DGAT2: variants seen among roughly 807,000 people sequenced by gnomAD.
DGAT2 encodes acyl-CoA retinol O-fatty-acyltransferase.
A neutral mutation model predicts 48.4 loss-of-function variants in DGAT2; 33 were observed. The ratio of observed to expected loss-of-function variants is 0.68; its 90% CI spans 0.52 to 0.91. The LOEUF (loss-of-function observed/expected upper bound fraction) is 0.91, where lower values mean the gene tolerates loss of function less well. Among genes scored for constraint, DGAT2 ranks in the 40% least tolerant of loss-of-function variants. The pLI, the probability that DGAT2 is intolerant of heterozygous loss-of-function variation, is 0.00. For synonymous variants in DGAT2, 191 were observed against 194.1 expected, an observed-to-expected ratio of 0.98 and a Z score of 0.13; for missense variants, 446 against 493.7, an observed-to-expected ratio of 0.90 and a Z score of 0.92.
intron 2 of DGAT2, among the ~76,000 whole-genome samples, chr11:75,787,125 TTG>T (rs1194157414): frequency 6.6e-6 from 1 of 152,204 alleles, no homozygotes; most frequent in Non-Finnish European, 1.5e-5. Flanking sequence ...TGTTATTTAT[TTG>T]TGTCATAAGT....
chr11:75,790,850 T>G, intron 4 of DGAT2, 119 bp downstream of exon 4: 1 of 998,130 alleles, frequency 1.0e-6, no homozygotes. Flanking sequence ...ATTTCCTTTC[T>G]ACTGTGTCAC....
chr11:75,790,339 G>A, intron 3 of DGAT2, 44 bp downstream of exon 3: 1 of 1,497,598 alleles, frequency 6.7e-7, no homozygotes, highest in Non-Finnish European at 9.3e-7. Flanking sequence ...TTCTAGGGAT[G>A]CTCTTCCCCC....
intron 1 of DGAT2, among the ~76,000 whole-genome samples, chr11:75,769,519 C>T (rs1944735426): frequency 6.6e-6 from 1 of 152,092 alleles, no homozygotes; most frequent in East Asian, 1.9e-4. Flanking sequence ...GTGTGTCTGC[C>T]CTGTCCTCTG....
intron 1 of DGAT2, among the ~76,000 whole-genome samples, chr11:75,773,313 C>T (rs1273053296): frequency 6.6e-6 from 1 of 152,170 alleles, no homozygotes; most frequent in Non-Finnish European, 1.5e-5. Flanking sequence ...GGAGCTGGCT[C>T]CAAGGCTGAG....
At chr11:75,789,684 C>G (rs897980485) in intron 2 of DGAT2, among the ~76,000 whole-genome samples, 1 of 152,182 alleles carries the variant, frequency 6.6e-6, no homozygotes. Flanking sequence ...GCTGGGTGAC[C>G]TTGGGCAAGT....
At chr11:75,788,759 A>G in intron 2 of DGAT2, among the ~76,000 whole-genome samples, 1 of 152,170 alleles carries the variant, frequency 6.6e-6, no homozygotes, top group East Asian at 1.9e-4. Flanking sequence ...CAGTGGAAAA[A>G]GTCCTAGAAG....
intron 4 of DGAT2, chr11:75,796,052 A>G: frequency 2.3e-6 from 1 of 429,224 alleles, no homozygotes; most frequent in Non-Finnish European, 4.3e-6. Flanking sequence ...GCAGAGTGCA[A>G]AGAAGAGCTG....
At chr11:75,800,303 G>A in intron 7 of DGAT2, 51 bp from the exon 8 acceptor site, 3 of 1,586,110 alleles carry the variant, frequency 1.9e-6, no homozygotes, top group Non-Finnish European at 2.6e-6. Flanking sequence ...CATGGTGGAT[G>A]CCCAGGGGAA....
chr11:75,776,743 C>A (rs1392809188), intron 1 of DGAT2: 1 of 152,242 alleles, frequency 6.6e-6, no homozygotes, highest in Non-Finnish European at 1.5e-5. Context: ...GAGATGGCAG[C>A]TTTGCCATGA....
chr11:75,777,566 T>A (rs1010472223), intron 1 of DGAT2, among the ~76,000 whole-genome samples: 1 of 152,184 alleles, frequency 6.6e-6, no homozygotes, highest in Non-Finnish European at 1.5e-5. Flanking sequence ...TTAGCCCCAC[T>A]GTATAGATGA....
At chr11:75,769,480 C>G (rs959669671) in intron 1 of DGAT2, among the ~76,000 whole-genome samples, 10 of 152,116 alleles carry the variant, frequency 6.6e-5, no homozygotes, top group Non-Finnish European at 1.3e-4. Flanking sequence ...AGACAGCCAC[C>G]AGACGGGGAA....
At chr11:75,784,776 G>C (rs769469744) in intron 2 of DGAT2, 30 bp downstream of exon 2, 1 of 1,613,402 alleles carries the variant, frequency 6.2e-7, no homozygotes, top group Non-Finnish European at 8.5e-7. Context: ...GAGGGCAGGT[G>C]GGCAGGCAGT....
intron 3 of DGAT2, 134 bp downstream of exon 3, chr11:75,790,429 G>C (rs78326439): frequency 4.6e-6 from 4 of 862,766 alleles, no homozygotes; most frequent in East Asian, 5.1e-5. Flanking sequence ...TAGTCCTTTT[G>C]GGGGGAGGTT....
At chr11:75,800,293 C>T (rs1945096678) in intron 7 of DGAT2, 61 bp from the exon 8 acceptor site, 2 of 1,574,594 alleles carry the variant, frequency 1.3e-6, no homozygotes, top group Admixed American at 1.8e-5. Context: ...CCTTCAGCAT[C>T]ATGGTGGATG....
intron 2 of DGAT2, among the ~76,000 whole-genome samples, chr11:75,785,793 C>T (rs368470448): frequency 6.6e-6 from 1 of 152,180 alleles, no homozygotes; most frequent in Admixed American, 6.5e-5. Flanking sequence ...GTGCATGGGG[C>T]GCTCTGAGAC....
intron 1 of DGAT2, among the ~76,000 whole-genome samples, chr11:75,774,534 C>T (rs1944787299): frequency 6.6e-6 from 1 of 152,210 alleles, no homozygotes; most frequent in Admixed American, 6.5e-5. Flanking sequence ...CTCTTAGGGC[C>T]TCAGCCTTCT....
chr11:75,785,885 T>A (rs1944917683), intron 2 of DGAT2, among the ~76,000 whole-genome samples: 1 of 152,242 alleles, frequency 6.6e-6, no homozygotes, highest in Non-Finnish European at 1.5e-5. Context: ...AACTACCTGC[T>A]ACTGTGAAGC....
chr11:75,784,981 C>T (rs887705362), intron 2 of DGAT2, among the ~76,000 whole-genome samples: 1 of 152,158 alleles, frequency 6.6e-6, no homozygotes, highest in African/African-American at 2.4e-5. Flanking sequence ...TTCCCATTTA[C>T]AGATGGGAAA....
chr11:75,769,003 C>T lies in DGAT2; in HGVS notation c.12C>T (p.Leu4=), dbSNP rs369559346. MKT[L]IAAYSGVLRG... ...GGCGGGCTTCAGCCATGAAGACCCT[C>T]ATAGCCGCCTACTCCGGGGTCCTGC... The change falls in exon 1 of 8, where the codon CTC becomes CTT. Residue 4 remains leucine (L), a synonymous_variant. Coordinates refer to ENST00000228027, the MANE Select transcript of DGAT2 (RefSeq NM_032564.5). The T allele has an allele frequency of 2.6e-6, 4 of 1,564,786 alleles. No homozygotes were observed. Among genetic ancestry groups the T allele is most frequent in the African/African-American group, 2.8e-5 (2 of 71,556 alleles).
Sources: allele counts gnomAD v4.1 joint callset (sites outside exome capture counted in the v4.1 genomes callset), GRCh38; gene constraint gnomAD v4.1.1; transcripts MANE v1.5; gene names NCBI Gene and HGNC (gene_info 2026-07-23, HGNC 2026-07-21).